KIF24: variants seen among roughly 807,000 people sequenced by gnomAD.
KIF24 encodes the protein kinesin family member 24, also known as kinesin-like protein KIF24.
A neutral mutation model predicts 118.9 loss-of-function variants in KIF24; 81 were observed. The observed-to-expected ratio is 0.68, with a 90% CI of 0.57 to 0.82. KIF24 has a LOEUF of 0.82. KIF24 is among the 40% of genes least tolerant of loss of function. The pLI, the probability that KIF24 is intolerant of heterozygous loss-of-function variation, is 0.00. For missense variants in KIF24, 1,560 were observed against 1,661.6 expected (o/e 0.94, Z 1.06); for synonymous variants, 599 against 610.0 (o/e 0.98, Z 0.27).
In KIF24 at chr9:34,255,187, CTG is replaced by C. The variant is rs771515517; in HGVS notation, c.3873-24_3873-23del. On this transcript the variant is annotated intron_variant, in intron 11 of 12. Transcript: ENST00000402558. ...CTGCCTGGGAACACCAGAGAGAACA[CTG>C]TGATCTTCCTGGCCTCCCAGCCTCT... is the stretch of plus-strand genomic sequence containing the variant. 4.9e-6 allele frequency: 7 copies of C among 1,438,894 alleles called. No homozygotes were observed. The Admixed American group carries it at 7.7e-5, about 16-fold the overall frequency. The allele number at this position is 1,438,894 out of a possible 1,614,324, so 89.1% of individuals were successfully genotyped here. A position where few individuals can be genotyped will look rare whatever the true frequency, so the allele number is the denominator to read the frequency against.
At chr9:34,321,816 A>G (rs1158277307) in intron 1 of KIF24, among the ~76,000 whole-genome samples, 1 of 152,060 alleles carries the variant, frequency 6.6e-6, no homozygotes, top group Non-Finnish European at 1.5e-5. Flanking sequence ...TATGTTGCCC[A>G]GGCTGGTCTG....
chr9:34,297,913 T>C (rs1039920497), intron 3 of KIF24, among the ~76,000 whole-genome samples: 1 of 152,066 alleles, frequency 6.6e-6, no homozygotes, highest in African/African-American at 2.4e-5. Context: ...GATATAGACA[T>C]TACCCTAGCA....
rs1837397190 is a variant in KIF24 at position 34,318,374 on chromosome 9, A to G, written c.-25-7003T>C. Reference sequence around the variant, plus strand: ...AGCTTGACCTAGCCCTGACAGGTCCATCGTGGTGCACGCAAACCACCTCCC... The same window carrying G: ...AGCTTGACCTAGCCCTGACAGGTCCGTCGTGGTGCACGCAAACCACCTCCC... On this transcript the variant is annotated intron_variant, in intron 1 of 12. Transcript: ENST00000402558. This position sits in a 1 kb window ranked among gnomAD's most constrained non-coding sequence, Gnocchi z 4.9. 7.8e-6 allele frequency: 4 copies of G among 510,652 alleles called. No homozygotes were observed. The highest frequency in any genetic ancestry group is 2.0e-5 in the African/African-American group (1 of 51,178). The allele number at this position is 510,652 out of a possible 1,614,324, so 31.6% of individuals were successfully genotyped here. A position where few individuals can be genotyped will look rare whatever the true frequency, so the allele number is the denominator to read the frequency against.
intron 6 of KIF24, among the ~76,000 whole-genome samples, chr9:34,278,270 G>A (rs755090176): frequency 2.6e-5 from 4 of 151,976 alleles, no homozygotes; most frequent in African/African-American, 7.3e-5. Flanking sequence ...TTAGCCAGGC[G>A]TGGGTAGTGG....
chr9:34,306,185 A>T, intron 3 of KIF24, 67 bp downstream of exon 3: 1 of 1,161,508 alleles, frequency 8.6e-7, no homozygotes, highest in Non-Finnish European at 1.2e-6. Context: ...CACCACTCAA[A>T]CAAAAAGCAA....
chr9:34,329,247 G>A lies in KIF24; in HGVS notation c.-167C>T, dbSNP rs1382169837. Among the ~76,000 whole-genome samples, 1 of 152,244 alleles carries A rather than the reference G, an allele frequency of 6.6e-6. No individual in the cohort carries two copies. ...GGCCAGGCCGCATCTCCATGGCAAC[G>A]CCGCCAAGCGCCAGTTCGAACGCCC... On this transcript the variant is annotated 5_prime_UTR_variant, in exon 1 of 13. Transcript: ENST00000402558.
intron 1 of KIF24, among the ~76,000 whole-genome samples, 97 bp downstream of exon 1, chr9:34,329,009 C>T (rs1837781726): frequency 6.6e-6 from 1 of 152,222 alleles, no homozygotes; most frequent in African/African-American, 2.4e-5. Context: ...AGTTTCCTCC[C>T]GCGCTCAGCC....
chr9:34,262,563 T>C (rs1835095781), intron 9 of KIF24, among the ~76,000 whole-genome samples: 1 of 143,312 alleles, frequency 7.0e-6, no homozygotes, highest in South Asian at 2.2e-4. Flanking sequence ...TCCCAGTACT[T>C]TGGAAGGCTG....
Position 34,290,233 on chromosome 9 carries a change from C to A in KIF24, c.1068G>T (p.Trp356Cys). ...CACAGTAAATTTCATAGAAGCTGAT[C>A]CACACAAAGAGGTGCTTTCTTGGCT... ...VSQPRKHLFV[W>C]ISFYEIYCGQ... The change falls in exon 5 of 13, where the codon TGG becomes TGT. Residue 356 changes from tryptophan to cysteine, a missense_variant. Physicochemically the swap from Trp to Cys is radical, Grantham distance 215. Coordinates refer to ENST00000402558, the MANE Select transcript of KIF24 (RefSeq NM_194313.4). The A allele has an allele frequency of 1.2e-6, 2 of 1,613,918 alleles. No homozygotes were observed. Among genetic ancestry groups the A allele is most frequent in the Non-Finnish European group, 1.7e-6 (2 of 1,179,846 alleles).
At chr9:34,271,338 A>G (rs898151074) in intron 7 of KIF24, among the ~76,000 whole-genome samples, 44 of 145,930 alleles carry the variant, frequency 3.0e-4, no homozygotes, top group African/African-American at 1.0e-3. Flanking sequence ...AAAAAAAAAA[A>G]AAAAAGAAAA....
intron 3 of KIF24, among the ~76,000 whole-genome samples, chr9:34,305,423 T>C (rs1028975826): frequency 3.3e-5 from 5 of 152,104 alleles, no homozygotes; most frequent in African/African-American, 9.7e-5. Flanking sequence ...TGGCTGGCAA[T>C]TGTCGGTCCT....
intron 3 of KIF24, among the ~76,000 whole-genome samples, chr9:34,302,287 C>A (rs761284086): frequency 5.9e-5 from 9 of 151,666 alleles, no homozygotes; most frequent in African/African-American, 9.7e-5. Flanking sequence ...AATGCCAGCG[C>A]GGTGCCTGGC....
chr9:34,309,540 C>CAAAAAAAAAAAAA (rs397960934), intron 2 of KIF24, among the ~76,000 whole-genome samples: 2 of 65,246 alleles, frequency 3.1e-5, no homozygotes, highest in Admixed American at 1.6e-4. Context: ...GACTCCGTCT[C>CAAAAAAAAAAAAA]AAAAAAAAAA....
chr9:34,302,227 C>T (rs1836745817), intron 3 of KIF24, among the ~76,000 whole-genome samples: 1 of 151,844 alleles, frequency 6.6e-6, no homozygotes, highest in African/African-American at 2.4e-5. Flanking sequence ...ATCTCCTGAC[C>T]TTGTGATCCA....
intron 12 of KIF24, 24 bp from the exon 13 acceptor site, chr9:34,254,544 T>G: frequency 6.2e-7 from 1 of 1,609,912 alleles, no homozygotes; most frequent in Non-Finnish European, 8.5e-7. Flanking sequence ...AAGGGACGAA[T>G]ACAGCTTTTG....
At chr9:34,297,145 G>T in intron 3 of KIF24, 31 bp from the exon 4 acceptor site, 1 of 1,282,548 alleles carries the variant, frequency 7.8e-7, no homozygotes, top group Non-Finnish European at 1.1e-6. Context: ...TATGGAAAGA[G>T]ACACATTCTG....
chr9:34,293,352 C>T (rs1358066219), intron 4 of KIF24, among the ~76,000 whole-genome samples: 1 of 151,750 alleles, frequency 6.6e-6, no homozygotes, highest in Non-Finnish European at 1.5e-5. Flanking sequence ...TGGTGGCACA[C>T]GCCTACAATC....
chr9:34,305,044 T>C (rs999037178), intron 3 of KIF24, among the ~76,000 whole-genome samples: 8 of 152,196 alleles, frequency 5.3e-5, no homozygotes, highest in African/African-American at 1.9e-4. Context: ...GATTATCTGG[T>C]TTTAGATTAC....
intron 6 of KIF24, among the ~76,000 whole-genome samples, chr9:34,274,913 G>C (rs989399433): frequency 1.3e-5 from 2 of 150,900 alleles, no homozygotes; most frequent in African/African-American, 4.9e-5. Flanking sequence ...AACATCACAT[G>C]TTCTCACTTA....
Sources: gnomAD v4.1 joint callset for allele counts (sites outside exome capture counted in the v4.1 genomes callset) on GRCh38, gnomAD v4.1.1 for gene constraint, Gnocchi (gnomAD v3.1) non-coding constraint, MANE v1.5 for transcripts, NCBI Gene and HGNC (gene_info 2026-07-23, HGNC 2026-07-21) for gene names.